Variants in QRICH2 observed in about 807,000 individuals in gnomAD.
QRICH2 encodes glutamine-rich protein 2.
A neutral mutation model predicts 168.3 loss-of-function variants in QRICH2; 119 were observed. The observed-to-expected ratio is 0.71, with a 90% CI of 0.61 to 0.82. QRICH2 has a LOEUF of 0.82. Among genes scored for constraint, QRICH2 ranks in the 40% least tolerant of loss-of-function variants. The probability of loss-of-function intolerance (pLI) is 0.00; values close to 1 mark genes in which losing one functional copy is unlikely to be tolerated. For missense variants in QRICH2, 2,241 were observed against 2,491.6 expected, an observed-to-expected ratio of 0.90 and a Z score of 2.14; for synonymous variants, 894 against 951.2, an observed-to-expected ratio of 0.94 and a Z score of 1.11.
At chr17:76,294,762 G>A (rs1444207595) in intron 3 of QRICH2, among the ~76,000 whole-genome samples, 4 of 148,416 alleles carry the variant, frequency 2.7e-5, no homozygotes, top group African/African-American at 5.0e-5. Flanking sequence ...GCAGTGAGCC[G>A]AGATTGCACC....
chr17:76,289,288 G>C (rs1178391718), intron 5 of QRICH2, among the ~76,000 whole-genome samples: 2 of 152,074 alleles, frequency 1.3e-5, no homozygotes, highest in Non-Finnish European at 2.9e-5. Context: ...TCAGGCTCAA[G>C]TGATCCTCCT....
Position 76,292,168 on chromosome 17 carries a change from T to C in QRICH2, c.2559A>G (p.Gln853=). 2 of 1,494,356 alleles carry C rather than the reference T, an allele frequency of 1.3e-6. No individual in the cohort carries two copies. Among genetic ancestry groups the C allele is most frequent in the Non-Finnish European group, 1.8e-6 (2 of 1,108,184 alleles). The allele number at this position is 1,494,356 out of a possible 1,614,324, so 92.6% of individuals were successfully genotyped here. A position where few individuals can be genotyped will look rare whatever the true frequency, so the allele number is the denominator to read the frequency against. Residue 853 remains glutamine (Q), a synonymous_variant, in exon 4 of 19, where the codon CAA becomes CAG. Transcript: ENST00000680821. The part of the protein sequence containing the change: ...QPGAVQHGLV[Q]PGADQRGLVQ... Reference sequence around the variant, plus strand: ...CCAAACCACGCTGATCTGCACCAGGTTGGACCAAACCATGCTGAACTGCAC... The same window carrying C: ...CCAAACCACGCTGATCTGCACCAGGCTGGACCAAACCATGCTGAACTGCAC...
chr17:76,305,019 GCACA>G (rs113070211), intron 1 of QRICH2, 78 bp from the exon 2 acceptor site: 117,561 of 923,314 alleles, frequency 0.13, 8,590 homozygotes, highest in Admixed American at 0.21. Context: ...ACACAGATGC[GCACA>G]CACACTCTCA....
chr17:76,280,229 G>T lies in QRICH2; in HGVS notation c.4626+58C>A. ...GGCTGACCCAGGAGAAGGTGGTGCT[G>T]TCCCGATCCTGGGGGCAAGGCTGTG... On this transcript the variant is annotated intron_variant, in intron 11 of 18. Transcript: ENST00000680821. The surrounding 1 kb of genome is among the most constrained non-coding windows in gnomAD (Gnocchi z 7.4). 6.2e-7 allele frequency: 1 copy of T among 1,609,320 alleles called. No homozygotes were observed. The highest frequency in any genetic ancestry group is 8.5e-7 in the Non-Finnish European group (1 of 1,177,284).
intron 16 of QRICH2, 67 bp from the exon 17 acceptor site, chr17:76,276,834 G>A: frequency 2.4e-6 from 3 of 1,251,162 alleles, no homozygotes; most frequent in Non-Finnish European, 3.4e-6. Context: ...CCTTCACACG[G>A]GACTGAGGCA....
At chr17:76,301,467 C>A in intron 3 of QRICH2, 1 of 237,744 alleles carries the variant, frequency 4.2e-6, no homozygotes. Flanking sequence ...ACCGGGGAGG[C>A]TGAGGCAGGA....
At position 76,293,888 on chromosome 17, in the gene QRICH2, C is replaced by A; in HGVS notation, c.839G>T (p.Gly280Val). 1.2e-6 allele frequency: 2 copies of A among 1,614,132 alleles called. No homozygotes were observed. Among genetic ancestry groups the A allele is most frequent in the East Asian group, 2.2e-5 (1 of 44,874 alleles). The change falls in exon 4 of 19, where the codon GGC (glycine) becomes GTC (valine). Residue 280 changes from glycine to valine, a missense_variant. Physicochemically the swap from Gly to Val is moderately radical, Grantham distance 109. This residue lies in a region of QRICH2 where 2,047 missense variants were observed against 2,303.8 expected (regional missense o/e 0.89). Coordinates refer to ENST00000680821, the MANE Select transcript of QRICH2 (RefSeq NM_001388453.1). ...AGATCCTGATGCAGTCCGATCCGGG[C>A]CAAGACCACTGGCAGAATCCAGAGC... Reference protein sequence around the residue: ...EQALDSASGLGPDRTASGSGG... With the variant: ...EQALDSASGLVPDRTASGSGG...
Position 76,281,096 on chromosome 17 carries a change from A to G in QRICH2, c.4264-143T>C. 1.7e-6 allele frequency: 2 copies of G among 1,183,768 alleles called. No homozygotes were observed. Among genetic ancestry groups the G allele is most frequent in the Non-Finnish European group, 2.3e-6 (2 of 863,222 alleles). The allele number at this position is 1,183,768 out of a possible 1,614,324, so 73.3% of individuals were successfully genotyped here. On this transcript the variant is annotated intron_variant, in intron 8 of 18. Coordinates refer to ENST00000680821, the MANE Select transcript of QRICH2 (RefSeq NM_001388453.1). The surrounding 1 kb of genome is among the most constrained non-coding windows in gnomAD (Gnocchi z 4.4). The stretch of plus-strand genomic sequence containing the variant: ...GGTGGCTCATGCCTGTAGTCCTGGC[A>G]CTTTGGGAAGCTGAGGTGAGGCGAG...
At position 76,279,930 on chromosome 17, in the gene QRICH2, C is replaced by T. The variant is rs938646643; in HGVS notation, c.4748+103G>A. 46 of 1,365,190 alleles carry T rather than the reference C, an allele frequency of 3.4e-5. 1 individual carries two copies. In the South Asian group the frequency reaches 3.4e-4, roughly 10 times the overall value. 84.6% of individuals were successfully genotyped at this position (1,365,190 alleles called of 1,614,324 possible). A position where few individuals can be genotyped will look rare whatever the true frequency, so the allele number is the denominator to read the frequency against. ...CCATGGGACAGTCCTGGGCAGGATC[C>T]GCTGTGTGCTGGCAGGAGCTGTTTG... is the stretch of plus-strand genomic sequence containing the variant. On this transcript the variant is annotated intron_variant, in intron 12 of 18. Transcript: ENST00000680821.
At chr17:76,303,074 GGGTTTCATCATGTTGTCCAGGC>G (rs1222485373) in intron 3 of QRICH2, among the ~76,000 whole-genome samples, 4 of 152,046 alleles carry the variant, frequency 2.6e-5, no homozygotes, top group Non-Finnish European at 4.4e-5. Flanking sequence ...GGTAGGGACA[GGGTTTCATCATGTTGTCCAGGC>G]TGGGCTCGAA....
At chr17:76,298,981 A>G (rs1441868290) in intron 3 of QRICH2, among the ~76,000 whole-genome samples, 1 of 152,070 alleles carries the variant, frequency 6.6e-6, no homozygotes, top group Non-Finnish European at 1.5e-5. Context: ...CCTGAAATGC[A>G]GGGATCTTTC....
intron 3 of QRICH2, among the ~76,000 whole-genome samples, chr17:76,303,402 C>A (rs1236029245): frequency 6.6e-6 from 1 of 152,164 alleles, no homozygotes; most frequent in Admixed American, 6.5e-5. Flanking sequence ...ACCCACTAGC[C>A]CAAAGCCAGC....
Position 76,307,762 on chromosome 17 carries a change from C to T in QRICH2, c.237G>A (p.Val79=). The T allele has an allele frequency of 1.4e-6, 2 of 1,382,356 alleles. No homozygotes were observed. The highest frequency in any genetic ancestry group is 1.9e-6 in the Non-Finnish European group (2 of 1,072,084). The allele number at this position is 1,382,356 out of a possible 1,614,324, so 85.6% of individuals were successfully genotyped here. A position where few individuals can be genotyped will look rare whatever the true frequency, so the allele number is the denominator to read the frequency against. Residue 79 remains valine (V), a synonymous_variant, in exon 1 of 19, where the codon GTG becomes GTA. Transcript: ENST00000680821. This position sits in a 1 kb window ranked among gnomAD's most constrained non-coding sequence, Gnocchi z 5.3. The part of the protein sequence containing the change: ...SIPHLPAPKE[V]PKGAPREKRR... ...GCTTCTCCCGGGGCGCCCCCTTGGGCACCTCCTTGGGCGCGGGCAGGTGCG... is the reference window on the plus strand; with the variant it reads ...GCTTCTCCCGGGGCGCCCCCTTGGGTACCTCCTTGGGCGCGGGCAGGTGCG...
At chr17:76,278,529 C>A (rs1275509101) in intron 14 of QRICH2, among the ~76,000 whole-genome samples, 1 of 152,240 alleles carries the variant, frequency 6.6e-6, no homozygotes, top group African/African-American at 2.4e-5. Context: ...GCTCCAAGAG[C>A]AGCCTGAAGT....
At chr17:76,287,427 C>T in intron 6 of QRICH2, 121 bp from the exon 7 acceptor site, 2 of 730,996 alleles carry the variant, frequency 2.7e-6, no homozygotes, top group Admixed American at 2.1e-5. Flanking sequence ...CTCCACCCCC[C>T]TCCAATGGAT....
Position 76,291,823 on chromosome 17 carries a change from C to G in QRICH2, c.2904G>C (p.Gln968His), listed in dbSNP as rs1394335715. 1.2e-6 allele frequency: 2 copies of G among 1,614,176 alleles called. No individual in the cohort carries two copies. The highest frequency in any genetic ancestry group is 1.7e-6 in the Non-Finnish European group (2 of 1,180,020). ...PRGLVQPGMD[Q>H]YGLRQPGAYQ... ...ATGCACCAGGTTGTCTCAAACCATA[C>G]TGATCCATTCCTGGCTGCACCAGAC... is the stretch of plus-strand genomic sequence containing the variant. The change falls in exon 4 of 19, where the codon CAG (glutamine) becomes CAC (histidine). Residue 968 changes from glutamine to histidine, a missense_variant. By Grantham distance (24) the Gln-to-His change is conservative (BLOSUM62 0). Around this residue, in one of 3 missense-constraint regions of QRICH2, gnomAD observed 2,047 missense variants for 2,303.8 expected, o/e 0.89. Coordinates refer to ENST00000680821, the MANE Select transcript of QRICH2 (RefSeq NM_001388453.1).
At position 76,303,567 on chromosome 17, in the gene QRICH2, G is replaced by A. The variant is rs2070938895; in HGVS notation, c.705+848C>T. On this transcript the variant is annotated intron_variant, in intron 3 of 18. Coordinates refer to ENST00000680821, the MANE Select transcript of QRICH2 (RefSeq NM_001388453.1). ...TCTCAAGACAGACAGATGCATGCCTGTGTGCAAAAGTCGCCACCAGCGGCC... is the reference window on the plus strand; with the variant it reads ...TCTCAAGACAGACAGATGCATGCCTATGTGCAAAAGTCGCCACCAGCGGCC... Among the ~76,000 whole-genome samples, 3 of 152,116 alleles carry A rather than the reference G, an allele frequency of 2.0e-5. No individual in the cohort carries two copies. The South Asian group carries it at 6.2e-4, about 32-fold the overall frequency.
At position 76,279,389 on chromosome 17, in the gene QRICH2, C is replaced by A; in HGVS notation, c.4788G>T (p.Arg1596=). The A allele has an allele frequency of 6.2e-7, 1 of 1,613,038 alleles. No homozygotes were observed. Among genetic ancestry groups the A allele is most frequent in the South Asian group, 1.1e-5 (1 of 90,806 alleles). Residue 1596 remains arginine, a synonymous_variant, in exon 13 of 19, where the codon CGG becomes CGT. Transcript: ENST00000680821. ...LAHFHCLSCD[R]PLETPVTGHA... is the part of the protein sequence containing the mutation. ...GTCCAGTCACAGGTGTCTCCAAGGG[C>A]CGGTCACATGAGAGGCAGTGGAAAT...
intron 7 of QRICH2, among the ~76,000 whole-genome samples, chr17:76,282,908 G>T (rs2070815170): frequency 6.6e-6 from 1 of 152,234 alleles, no homozygotes; most frequent in Non-Finnish European, 1.5e-5. Flanking sequence ...CAGAGCGCGA[G>T]GGAGAGCAAG....
Sources: gnomAD v4.1 joint callset for allele counts (sites outside exome capture counted in the v4.1 genomes callset) on GRCh38, gnomAD v4.1.1 for gene constraint, gnomAD v4.1.1 regional missense constraint, Gnocchi (gnomAD v3.1) non-coding constraint, MANE v1.5 for transcripts, NCBI Gene and HGNC (gene_info 2026-07-23, HGNC 2026-07-21) for gene names.